Variants in ACTL7B observed in about 807,000 individuals in gnomAD.
ACTL7B encodes the protein actin like 7B, also known as actin-like protein 7B.
Under a neutral mutation model 17.5 loss-of-function variants are expected in ACTL7B, and 14 were observed. That is an observed-to-expected ratio of 0.80 (90% CI 0.53 to 1.25). ACTL7B has a LOEUF of 1.25. Among genes scored for constraint, ACTL7B ranks in the 50% most tolerant of loss-of-function variants. ACTL7B has a pLI of 0.00. For synonymous variants in ACTL7B, 267 were observed against 252.4 expected, an observed-to-expected ratio of 1.06 and a Z score of -0.55; for missense variants, 599 against 573.9, an observed-to-expected ratio of 1.04 and a Z score of -0.45.
In ACTL7B at chr9:108,855,852, C is replaced by A; in HGVS notation, c.79G>T (p.Asp27Tyr). 6.2e-7 allele frequency: 1 copy of A among 1,611,190 alleles called. No individual in the cohort carries two copies. ...PGEAGTRPGP[D>Y]ASLRDTGAAT... Reference sequence around the variant, plus strand: ...GCACCTGTGTCCCGGAGGCTGGCGTCAGGGCCGGGCCGTGTTCCTGCCTCT... The same window carrying A: ...GCACCTGTGTCCCGGAGGCTGGCGTAAGGGCCGGGCCGTGTTCCTGCCTCT... Residue 27 changes from aspartate to tyrosine, a missense_variant, in exon 1 of 1, where the codon GAC (aspartate) becomes TAC (tyrosine). Asp to Tyr is a radical substitution (Grantham distance 160). Coordinates refer to ENST00000374667, the MANE Select transcript of ACTL7B (RefSeq NM_006686.4).
Position 108,854,679 on chromosome 9 carries a change from A to G in ACTL7B, c.*4T>C. 1 of 1,493,674 alleles carries G rather than the reference A, an allele frequency of 6.7e-7. No homozygotes were observed. Among genetic ancestry groups the G allele is most frequent in the Admixed American group, 2.3e-5 (1 of 43,026 alleles). The allele number at this position is 1,493,674 out of a possible 1,614,324, so 92.5% of individuals were successfully genotyped here. On this transcript the variant is annotated 3_prime_UTR_variant, in exon 1 of 1. Coordinates refer to ENST00000374667, the MANE Select transcript of ACTL7B (RefSeq NM_006686.4). ...GGAGGCCTTGTCTGTGGAAATGCCG[A>G]GGCTCAGCACTTGCTGTAGATGGCC...
In ACTL7B at chr9:108,855,901, C is replaced by T; in HGVS notation, c.30G>A (p.Leu10=). 6.2e-7 allele frequency: 1 copy of T among 1,602,818 alleles called. No homozygotes were observed. Among genetic ancestry groups the T allele is most frequent in the Non-Finnish European group, 8.5e-7 (1 of 1,175,526 alleles). MATRNSPMP[L]GTAQGDPGEA... ...CTCCAGGGTCACCCTGAGCCGTGCC[C>T]AGGGGCATGGGGCTGTTCCTTGTCG... is the stretch of plus-strand genomic sequence containing the variant. The change falls in exon 1 of 1, where the codon CTG becomes CTA. Residue 10 remains leucine, a synonymous_variant. Coordinates refer to ENST00000374667, the MANE Select transcript of ACTL7B (RefSeq NM_006686.4).
rs2118884891 is a variant in ACTL7B, at chr9:108,854,633, A to T, written c.*50T>A. On this transcript the variant is annotated 3_prime_UTR_variant, in exon 1 of 1. Coordinates refer to ENST00000374667, the MANE Select transcript of ACTL7B (RefSeq NM_006686.4). ...TGAAATTCTGTAAATGTGTATAGAG[A>T]GGCCTGTGGCCATCTGTGCTGGAGG... 7.0e-7 allele frequency: 1 copy of T among 1,421,222 alleles called. No individual in the cohort carries two copies. The highest frequency in any genetic ancestry group is 9.2e-7 in the Non-Finnish European group (1 of 1,081,532). 88.0% of individuals were successfully genotyped at this position (1,421,222 alleles called of 1,614,324 possible).
chr9:108,855,974 C>T lies in ACTL7B; in HGVS notation c.-44G>A. ...TTCTCACATCCACAGCCTAGAGCCC[C>T]CTGGGGAGAAATGAGATCCCCCACC... On this transcript the variant is annotated 5_prime_UTR_variant, in exon 1 of 1. Coordinates refer to ENST00000374667, the MANE Select transcript of ACTL7B (RefSeq NM_006686.4). The T allele has an allele frequency of 1.3e-6, 2 of 1,521,806 alleles. No homozygotes were observed. The highest frequency in any genetic ancestry group is 1.8e-6 in the Non-Finnish European group (2 of 1,138,206). The allele number at this position is 1,521,806 out of a possible 1,614,324, so 94.3% of individuals were successfully genotyped here. A position where few individuals can be genotyped will look rare whatever the true frequency, so the allele number is the denominator to read the frequency against.
At position 108,854,984 on chromosome 9, in the gene ACTL7B, G is replaced by C; in HGVS notation, c.947C>G (p.Pro316Arg). The change falls in exon 1 of 1, where the codon CCG becomes CGG. Residue 316 changes from proline to arginine, a missense_variant. Transcript: ENST00000374667. ...SLAGSTQPGL[P>R]ELTAACLGRC... ...GCCCAGGCAGGCAGCTGTGAGCTCC[G>C]GGAGGCCCGGCTGGGTGCTGCCTGC... 5 of 1,517,522 alleles carry C rather than the reference G, an allele frequency of 3.3e-6. No individual in the cohort carries two copies. Among genetic ancestry groups the C allele is most frequent in the Non-Finnish European group, 4.4e-6 (5 of 1,132,906 alleles). 94.0% of individuals were successfully genotyped at this position (1,517,522 alleles called of 1,614,324 possible).
In ACTL7B at chr9:108,855,908, A is replaced by G. The variant is rs1178197890; in HGVS notation, c.23T>C (p.Met8Thr). ...GTCACCCTGAGCCGTGCCCAGGGGC[A>G]TGGGGCTGTTCCTTGTCGCCATCTG... MATRNSP[M>T]PLGTAQGDPG... is the part of the protein sequence containing the mutation. The change falls in exon 1 of 1, where the codon ATG becomes ACG. Residue 8 changes from methionine (M) to threonine (T), a missense_variant. Transcript: ENST00000374667. 1 of 1,598,502 alleles carries G rather than the reference A, an allele frequency of 6.3e-7. No individual in the cohort carries two copies. The highest frequency in any genetic ancestry group is 2.2e-5 in the East Asian group (1 of 44,842).
chr9:108,855,589 C>CG lies in ACTL7B; in HGVS notation c.341dup (p.Leu115AlafsTer55). On this transcript the variant is annotated frameshift_variant, in exon 1 of 1. Coordinates refer to ENST00000374667, the MANE Select transcript of ACTL7B (RefSeq NM_006686.4). LOFTEE classifies it high-confidence loss of function. ...AGTCCACCACGATGCCGTGCTTCAG[C>CG]GGGTTCACCAGCTTGAGAGGCGCCT... is the stretch of plus-strand genomic sequence containing the variant. 1 of 1,613,810 alleles carries CG rather than the reference C, an allele frequency of 6.2e-7. No individual in the cohort carries two copies.
chr9:108,854,966 C>A lies in ACTL7B; in HGVS notation c.965G>T (p.Cys322Phe), dbSNP rs1319248790. Reference sequence around the variant, plus strand: ...GCCCGTGTCCTGGCAGCGGCCCAGGCAGGCAGCTGTGAGCTCCGGGAGGCC... The same window carrying A: ...GCCCGTGTCCTGGCAGCGGCCCAGGAAGGCAGCTGTGAGCTCCGGGAGGCC... Reference protein sequence around the residue: ...QPGLPELTAACLGRCQDTGFK... With the variant: ...QPGLPELTAAFLGRCQDTGFK... The change falls in exon 1 of 1, where the codon TGC (cysteine) becomes TTC (phenylalanine). Residue 322 changes from cysteine to phenylalanine, a missense_variant. Cys to Phe is a radical substitution (Grantham distance 205). Coordinates refer to ENST00000374667, the MANE Select transcript of ACTL7B (RefSeq NM_006686.4). 3 of 1,517,212 alleles carry A rather than the reference C, an allele frequency of 2.0e-6. No homozygotes were observed. The highest frequency in any genetic ancestry group is 2.6e-6 in the Non-Finnish European group (3 of 1,133,198). 94.0% of individuals were successfully genotyped at this position (1,517,212 alleles called of 1,614,324 possible).
rs10979557 is a variant in ACTL7B at position 108,855,109 on chromosome 9, C to T, written c.822G>A (p.Pro274=). 7.2e-3 allele frequency: 11,582 copies of T among 1,603,734 alleles called. 368 individuals carry two copies. In the South Asian group the frequency reaches 0.075, roughly 10 times the overall value. The part of the protein sequence containing the change: ...FLPEEELGLV[P]EELRVDYELP... ...GCTCGTAGTCCACGCGCAGCTCCTC[C>T]GGGACCAGGCCCAGCTCCTCCTCGG... Residue 274 remains proline (P), a synonymous_variant, in exon 1 of 1, where the codon CCG becomes CCA. Coordinates refer to ENST00000374667, the MANE Select transcript of ACTL7B (RefSeq NM_006686.4).
Sources: allele counts gnomAD v4.1 joint callset, GRCh38; gene constraint gnomAD v4.1.1; transcripts MANE v1.5; gene names NCBI Gene and HGNC (gene_info 2026-07-23, HGNC 2026-07-21).